The following EME2 variants were observed in gnomAD, a reference collection of about 807,000 sequenced individuals.
EME2 encodes the protein structure-specific endonuclease subunit EME2.
In EME2, 58 loss-of-function variants were observed where a neutral mutation model predicts 41.9. That is an observed-to-expected ratio of 1.38 (90% CI 1.12 to 1.72). The LOEUF is 1.72. Ranked by LOEUF, EME2 falls within the 40% of genes most tolerant of loss-of-function variation. The pLI is 0.00. For synonymous variants in EME2, 334 were observed against 239.3 expected, an observed-to-expected ratio of 1.40 and a Z score of -3.65; for missense variants, 695 against 541.9, an observed-to-expected ratio of 1.28 and a Z score of -2.81.
Position 1,778,756 on chromosome 16 carries a change from G to A in EME2, c.*2518G>A. 1 of 891,398 alleles carries A rather than the reference G, an allele frequency of 1.1e-6. No homozygotes were observed. 55.2% of individuals were successfully genotyped at this position (891,398 alleles called of 1,614,324 possible). On this transcript the variant is annotated 3_prime_UTR_variant, in exon 8 of 8. Transcript: ENST00000568449. ...CTCCAGGGACTTCACAGTACCCCGA[G>A]CGCACAGCCCAGGCTCCCTCCCAAC... is the stretch of plus-strand genomic sequence containing the variant.
At position 1,776,119 on chromosome 16, in the gene EME2, C is replaced by T. The variant is rs1256588352; in HGVS notation, c.1021C>T (p.Leu341Phe). 6.2e-7 allele frequency: 1 copy of T among 1,611,970 alleles called. No homozygotes were observed. Among genetic ancestry groups the T allele is most frequent in the African/African-American group, 1.3e-5 (1 of 75,076 alleles). The change falls in exon 8 of 8, where the codon CTT (leucine) becomes TTT (phenylalanine). Residue 341 changes from leucine (L) to phenylalanine (F), a missense_variant. Coordinates refer to ENST00000568449, the MANE Select transcript of EME2 (RefSeq NM_001257370.2). ...GGAGCGCATGGGCCTCCTGGCCGAC[C>T]TTCCTGTGCCGCCCAGTGAAGGCGG... ...ERERMGLLAD[L>F]PVPPSEGGRP...
In EME2 at chr16:1,781,042, A is replaced by C; in HGVS notation, c.*4804A>C. The C allele has an allele frequency of 1.3e-6, 1 of 745,238 alleles. No homozygotes were observed. Among genetic ancestry groups the C allele is most frequent in the East Asian group, 4.5e-5 (1 of 22,278 alleles). 46.2% of individuals were successfully genotyped at this position (745,238 alleles called of 1,614,324 possible). On this transcript the variant is annotated 3_prime_UTR_variant, in exon 8 of 8. Transcript: ENST00000568449. ...GCCACAGTGCCCAGCCCCGTAGTGG[A>C]GAATTTCTGTTGAATGAACCAAAAG...
intron 3 of EME2, 59 bp from the exon 4 acceptor site, chr16:1,774,982 C>T (rs922389822): frequency 7.2e-7 from 1 of 1,380,702 alleles, no homozygotes; most frequent in African/African-American, 1.4e-5. Flanking sequence ...GGCCTGGTGG[C>T]CCATGGCCAT....
rs1376417135 is a variant in EME2, at chr16:1,776,136, T to C, written c.1038T>C (p.Ser346=). The change falls in exon 8 of 8, where the codon AGT becomes AGC. Residue 346 remains serine (S), a synonymous_variant. Transcript: ENST00000568449. The part of the protein sequence containing the change: ...GLLADLPVPP[S]EGGRPRRVGP... The stretch of plus-strand genomic sequence containing the variant: ...TGGCCGACCTTCCTGTGCCGCCCAG[T>C]GAAGGCGGGCGTCCCCGCAGGGTGG... 1 of 1,612,150 alleles carries C rather than the reference T, an allele frequency of 6.2e-7. No individual in the cohort carries two copies. Among genetic ancestry groups the C allele is most frequent in the East Asian group, 2.2e-5 (1 of 44,886 alleles).
chr16:1,777,241 C>T lies in EME2; in HGVS notation c.*1003C>T. On this transcript the variant is annotated 3_prime_UTR_variant, in exon 8 of 8. Coordinates refer to ENST00000568449, the MANE Select transcript of EME2 (RefSeq NM_001257370.2). ...GGACCCAGCCCAGCTTGTTGTGTAG[C>T]ACCTGCTTGAGGCCCGGCGGCAGCG... 1 of 1,610,804 alleles carries T rather than the reference C, an allele frequency of 6.2e-7. No individual in the cohort carries two copies. The highest frequency in any genetic ancestry group is 8.5e-7 in the Non-Finnish European group (1 of 1,179,844).
Position 1,777,953 on chromosome 16 carries a change from G to A in EME2, c.*1715G>A, listed in dbSNP as rs759609586. On this transcript the variant is annotated 3_prime_UTR_variant, in exon 8 of 8. Coordinates refer to ENST00000568449, the MANE Select transcript of EME2 (RefSeq NM_001257370.2). ...ACCCTGGGCCTCACGCACCCGTGTA[G>A]GAGAGGCCCCAGCTGTCCTCATCCC... 6.8e-6 allele frequency: 11 copies of A among 1,612,790 alleles called. No individual in the cohort carries two copies. Among genetic ancestry groups the A allele is most frequent in the Non-Finnish European group, 9.3e-6 (11 of 1,179,906 alleles).
At position 1,778,572 on chromosome 16, in the gene EME2, G is replaced by A. The variant is rs759213206; in HGVS notation, c.*2334G>A. On this transcript the variant is annotated 3_prime_UTR_variant, in exon 8 of 8. Coordinates refer to ENST00000568449, the MANE Select transcript of EME2 (RefSeq NM_001257370.2). The stretch of plus-strand genomic sequence containing the variant: ...GGGCACCGCACTGGGGATGGATGGC[G>A]GCAGCGTGGAGTACTCGGGGTCGGA... 6.9e-6 allele frequency: 11 copies of A among 1,595,746 alleles called. No homozygotes were observed. Among genetic ancestry groups the A allele is most frequent in the Non-Finnish European group, 9.4e-6 (11 of 1,168,178 alleles).
rs371769096 is a variant in EME2, at chr16:1,778,392, C to T, written c.*2154C>T. The T allele has an allele frequency of 5.6e-6, 9 of 1,606,624 alleles. No individual in the cohort carries two copies. Among genetic ancestry groups the T allele is most frequent in the East Asian group, 2.2e-5 (1 of 44,740 alleles). On this transcript the variant is annotated 3_prime_UTR_variant, in exon 8 of 8. Transcript: ENST00000568449. ...GCTCTGCCCTGCCCACCCCCAGGCC[C>T]GCCCGCAGTGCAGTCCCAGCAGGGG...
rs749017061 is a variant in EME2, at chr16:1,781,239, C to G, written c.*5001C>G. On this transcript the variant is annotated 3_prime_UTR_variant, in exon 8 of 8. Transcript: ENST00000568449. The stretch of plus-strand genomic sequence containing the variant: ...ACAGGCCCAGGTTTGGACTGGTCCT[C>G]TAGCCTCAGAAGCATCTTTTTCTCC... 6.3e-7 allele frequency: 1 copy of G among 1,596,388 alleles called. No individual in the cohort carries two copies. The highest frequency in any genetic ancestry group is 8.5e-7 in the Non-Finnish European group (1 of 1,176,318).
At position 1,776,070 on chromosome 16, in the gene EME2, G is replaced by T; in HGVS notation, c.972G>T (p.Ala324=). ...CTCATGCCTTTGCCTGCTCCTAGGC[G>T]CTGGAGGCCTGCAGCACGGAGCGGG... ...AFPSPRLLQQ[A]LEACSTERER... is the part of the protein sequence containing the mutation. The change falls in exon 8 of 8, where the codon GCG becomes GCT. Residue 324 remains alanine, a splice_region_variant and synonymous_variant. Coordinates refer to ENST00000568449, the MANE Select transcript of EME2 (RefSeq NM_001257370.2). 7.5e-6 allele frequency: 12 copies of T among 1,608,202 alleles called. No individual in the cohort carries two copies. Among genetic ancestry groups the T allele is most frequent in the Non-Finnish European group, 1.0e-5 (12 of 1,178,202 alleles).
Position 1,777,919 on chromosome 16 carries a change from C to T in EME2, c.*1681C>T, listed in dbSNP as rs780588993. The T allele has an allele frequency of 1.9e-6, 3 of 1,611,804 alleles. No individual in the cohort carries two copies. Among genetic ancestry groups the T allele is most frequent in the South Asian group, 2.2e-5 (2 of 91,046 alleles). On this transcript the variant is annotated 3_prime_UTR_variant, in exon 8 of 8. Coordinates refer to ENST00000568449, the MANE Select transcript of EME2 (RefSeq NM_001257370.2). ...GTGAGCCCGGGAGCTCCAGGCTCGG[C>T]CCCGCCCCACCCTGGGCCTCACGCA...
In EME2 at chr16:1,777,439, C is replaced by A; in HGVS notation, c.*1201C>A. On this transcript the variant is annotated 3_prime_UTR_variant, in exon 8 of 8. Transcript: ENST00000568449. ...TCTTGTTCTGCAGCTTGGTGGCTGC[C>A]ACACCTGGAAGGGAGGGGCCCAGCC... is the stretch of plus-strand genomic sequence containing the variant. 1 of 1,514,068 alleles carries A rather than the reference C, an allele frequency of 6.6e-7. No homozygotes were observed. Among genetic ancestry groups the A allele is most frequent in the Non-Finnish European group, 8.8e-7 (1 of 1,132,318 alleles). 93.8% of individuals were successfully genotyped at this position (1,514,068 alleles called of 1,614,324 possible).
intron 3 of EME2, 79 bp downstream of exon 3, chr16:1,774,431 C>G (rs535043522): frequency 1.7e-6 from 2 of 1,212,074 alleles, no homozygotes; most frequent in Non-Finnish European, 1.2e-6. Flanking sequence ...TCCGCCGGTC[C>G]CTGCCCCTGT....
Position 1,778,007 on chromosome 16 carries a change from G to A in EME2, c.*1769G>A, listed in dbSNP as rs1368593418. Reference sequence around the variant, plus strand: ...CCAGCAGGCTGCAGAACGTGTGGCGGTATTTGTCCAGGTCCACATCCGACG... The same window carrying A: ...CCAGCAGGCTGCAGAACGTGTGGCGATATTTGTCCAGGTCCACATCCGACG... On this transcript the variant is annotated 3_prime_UTR_variant, in exon 8 of 8. Transcript: ENST00000568449. 2 of 1,613,148 alleles carry A rather than the reference G, an allele frequency of 1.2e-6. No individual in the cohort carries two copies. The highest frequency in any genetic ancestry group is 1.7e-6 in the Non-Finnish European group (2 of 1,180,006).
chr16:1,778,478 C>T lies in EME2; in HGVS notation c.*2240C>T, dbSNP rs141651024. 111 of 1,611,648 alleles carry T rather than the reference C, an allele frequency of 6.9e-5. No individual in the cohort carries two copies. The highest frequency in any genetic ancestry group is 3.5e-4 in the African/African-American group (26 of 75,026). On this transcript the variant is annotated 3_prime_UTR_variant, in exon 8 of 8. Coordinates refer to ENST00000568449, the MANE Select transcript of EME2 (RefSeq NM_001257370.2). ...AGCGGCAGTCCCTGCCCCGGTGGGCCGAGTGCAGGCTGCTACAGAAGGAGG... is the reference window on the plus strand; with the variant it reads ...AGCGGCAGTCCCTGCCCCGGTGGGCTGAGTGCAGGCTGCTACAGAAGGAGG...
In EME2 at chr16:1,781,652, T is replaced by C. The variant is rs1178436; in HGVS notation, c.*5414T>C. On this transcript the variant is annotated 3_prime_UTR_variant, in exon 8 of 8. Coordinates refer to ENST00000568449, the MANE Select transcript of EME2 (RefSeq NM_001257370.2). ...AACGCTTCAGGAGCCCGTACCTCACTCCAGGATCTGAGCAGCTCAATAAAA... is the reference window on the plus strand; with the variant it reads ...AACGCTTCAGGAGCCCGTACCTCACCCCAGGATCTGAGCAGCTCAATAAAA... 562,071 of 693,660 alleles carry C rather than the reference T, an allele frequency of 0.81. 229,467 individuals are homozygous for C. The highest frequency in any genetic ancestry group is 0.96 in the African/African-American group (52,936 of 55,328). 43.0% of individuals were successfully genotyped at this position (693,660 alleles called of 1,614,324 possible). A position where few individuals can be genotyped will look rare whatever the true frequency, so the allele number is the denominator to read the frequency against.
Position 1,778,377 on chromosome 16 carries a change from G to A in EME2, c.*2139G>A. 6.2e-7 allele frequency: 1 copy of A among 1,607,870 alleles called. No individual in the cohort carries two copies. Among genetic ancestry groups the A allele is most frequent in the Non-Finnish European group, 8.5e-7 (1 of 1,177,958 alleles). On this transcript the variant is annotated 3_prime_UTR_variant, in exon 8 of 8. Transcript: ENST00000568449. ...TGAGAGCTCCATGGGGCTCTGCCCT[G>A]CCCACCCCCAGGCCCGCCCGCAGTG...
At chr16:1,774,175 C>A in intron 2 of EME2, 85 bp from the exon 3 acceptor site, 2 of 1,231,182 alleles carry the variant, frequency 1.6e-6, no homozygotes, top group Non-Finnish European at 1.2e-6. Flanking sequence ...GGGCCACGAA[C>A]CGCTTTGCTG....
In EME2 at chr16:1,778,073, G is replaced by A. The variant is rs753180296; in HGVS notation, c.*1835G>A. The A allele has an allele frequency of 1.9e-6, 3 of 1,613,060 alleles. No homozygotes were observed. Among genetic ancestry groups the A allele is most frequent in the East Asian group, 2.2e-5 (1 of 44,874 alleles). On this transcript the variant is annotated 3_prime_UTR_variant, in exon 8 of 8. Coordinates refer to ENST00000568449, the MANE Select transcript of EME2 (RefSeq NM_001257370.2). ...TCTAGGAACAGGGGCCAGGCAGAGG[G>A]CGCGGGGCTGGGCTGCCGGAGCCAG...
Sources: allele counts gnomAD v4.1 joint callset, GRCh38; gene constraint gnomAD v4.1.1; transcripts MANE v1.5; gene names NCBI Gene and HGNC (gene_info 2026-07-23, HGNC 2026-07-21).